Variants in ANKHD1 observed in about 807,000 individuals in gnomAD.
ANKHD1 encodes ankyrin repeat and KH domain-containing protein 1.
A neutral mutation model predicts 230.5 loss-of-function variants in ANKHD1; 31 were observed. The observed-to-expected ratio is 0.13, with a 90% CI of 0.10 to 0.18. The LOEUF is 0.18. Ranked by LOEUF, ANKHD1 falls within the 10% of genes least tolerant of loss-of-function variation. The probability of loss-of-function intolerance (pLI) is 1.00; values close to 1 mark genes in which losing one functional copy is unlikely to be tolerated. For synonymous variants in ANKHD1, 1,074 were observed against 1,117.6 expected, an observed-to-expected ratio of 0.96 and a Z score of 0.78; for missense variants, 2,256 against 3,071.3, an observed-to-expected ratio of 0.73 and a Z score of 6.27.
At chr5:140,472,036 G>A (rs191025423) in intron 10 of ANKHD1, among the ~76,000 whole-genome samples, 72 of 151,884 alleles carry the variant, frequency 4.7e-4, no homozygotes, top group African/African-American at 1.6e-3. Context: ...AGTTTTATTG[G>A]TAAAAAACCA....
intron 7 of ANKHD1, among the ~76,000 whole-genome samples, chr5:140,454,844 G>T (rs1775037855): frequency 6.6e-6 from 1 of 151,944 alleles, no homozygotes; most frequent in Non-Finnish European, 1.5e-5. Flanking sequence ...CTAGCAGAAG[G>T]CAAGAAATAA....
At chr5:140,419,821 T>A (rs1771771973) in intron 1 of ANKHD1, among the ~76,000 whole-genome samples, 1 of 123,974 alleles carries the variant, frequency 8.1e-6, no homozygotes, top group Admixed American at 8.3e-5. Context: ...TTTCTTTCTT[T>A]CTTTCTTTCT....
chr5:140,471,817 G>T (rs1057491345), intron 10 of ANKHD1, among the ~76,000 whole-genome samples: 2 of 152,118 alleles, frequency 1.3e-5, no homozygotes, highest in African/African-American at 4.8e-5. Context: ...CATTTATAAT[G>T]AGGGGAAAAG....
chr5:140,441,737 A>AT, intron 5 of ANKHD1, among the ~76,000 whole-genome samples: 1 of 152,208 alleles, frequency 6.6e-6, no homozygotes, highest in African/African-American at 2.4e-5. Context: ...TATATTCAGG[A>AT]TTTTTTGCTA....
chr5:140,491,049 T>C (rs1163525320), intron 14 of ANKHD1, among the ~76,000 whole-genome samples: 2 of 145,760 alleles, frequency 1.4e-5, no homozygotes, highest in African/African-American at 5.0e-5. Context: ...TAAATTCTTA[T>C]AAAATATTTA....
At chr5:140,426,279 C>T (rs1035946769) in intron 1 of ANKHD1, among the ~76,000 whole-genome samples, 44 of 152,238 alleles carry the variant, frequency 2.9e-4, no homozygotes, top group African/African-American at 9.9e-4. Context: ...CAGGCACACA[C>T]CATCACGCCT....
chr5:140,402,221 G>A lies in ANKHD1; in HGVS notation c.254G>A (p.Arg85Lys). 4.6e-6 allele frequency: 7 copies of A among 1,522,494 alleles called. No individual in the cohort carries two copies. Among genetic ancestry groups the A allele is most frequent in the Non-Finnish European group, 5.3e-6 (6 of 1,139,690 alleles). 94.3% of individuals were successfully genotyped at this position (1,522,494 alleles called of 1,614,324 possible). The part of the protein sequence containing the change: ...LDFKLAAAVL[R>K]TGGGGGASGS... ...TTCAAGTTGGCGGCTGCCGTGCTGA[G>A]GACCGGGGGTGGAGGTGGTGCCTCT... is the stretch of plus-strand genomic sequence containing the variant. The change falls in exon 1 of 34, where the codon AGG becomes AAG. Residue 85 changes from arginine to lysine, a missense_variant. Coordinates refer to ENST00000360839, the MANE Select transcript of ANKHD1 (RefSeq NM_017747.3).
At chr5:140,433,061 C>CT (rs1473249226) in intron 1 of ANKHD1, among the ~76,000 whole-genome samples, 1,907 of 151,188 alleles carry the variant, frequency 0.013, 48 homozygotes, top group African/African-American at 0.045. Flanking sequence ...CCTTCCCCCC[C>CT]CCAAAAAAAA....
Position 140,402,238 on chromosome 5 carries a change from G to A in ANKHD1, c.271G>A (p.Gly91Ser). The A allele has an allele frequency of 6.6e-7, 1 of 1,512,906 alleles. No homozygotes were observed. The highest frequency in any genetic ancestry group is 8.8e-7 in the Non-Finnish European group (1 of 1,136,028). The allele number at this position is 1,512,906 out of a possible 1,614,324, so 93.7% of individuals were successfully genotyped here. A position where few individuals can be genotyped will look rare whatever the true frequency, so the allele number is the denominator to read the frequency against. ...AAVLRTGGGG[G>S]ASGSDEDEVS... ...CGTGCTGAGGACCGGGGGTGGAGGT[G>A]GTGCCTCTGGCAGTGACGAGGACGA... is the stretch of plus-strand genomic sequence containing the variant. Residue 91 changes from glycine (G) to serine (S), a missense_variant, in exon 1 of 34, where the codon GGT becomes AGT. By Grantham distance (56) the Gly-to-Ser change is moderately conservative. Coordinates refer to ENST00000360839, the MANE Select transcript of ANKHD1 (RefSeq NM_017747.3).
intron 24 of ANKHD1, among the ~76,000 whole-genome samples, chr5:140,517,778 C>G (rs1753103668): frequency 6.7e-6 from 1 of 148,244 alleles, no homozygotes; most frequent in Non-Finnish European, 1.5e-5. Flanking sequence ...ATCTCTGGGA[C>G]ACATTCAAAG....
At chr5:140,517,378 C>A (rs1444261492) in intron 24 of ANKHD1, among the ~76,000 whole-genome samples, 2 of 150,142 alleles carry the variant, frequency 1.3e-5, no homozygotes, top group Non-Finnish European at 3.0e-5. Flanking sequence ...TTAGACAGAT[C>A]AACGAGACAG....
intron 9 of ANKHD1, among the ~76,000 whole-genome samples, chr5:140,463,666 T>G (rs974118013): frequency 6.6e-6 from 1 of 152,086 alleles, no homozygotes; most frequent in Non-Finnish European, 1.5e-5. Context: ...TGGTTTTGTT[T>G]TGTTTTTGAG....
At chr5:140,511,612 G>A (rs142964813) in intron 22 of ANKHD1, among the ~76,000 whole-genome samples, 49 of 152,228 alleles carry the variant, frequency 3.2e-4, no homozygotes, top group Non-Finnish European at 6.0e-4. Flanking sequence ...AACTAGACTG[G>A]TAGGTCCATG....
intron 24 of ANKHD1, among the ~76,000 whole-genome samples, chr5:140,523,388 G>GT (rs1285889126): frequency 6.6e-6 from 1 of 151,728 alleles, no homozygotes; most frequent in Non-Finnish European, 1.5e-5. Context: ...TATTACAGGC[G>GT]TGAGCCACCA....
At chr5:140,457,931 A>T (rs1775340980) in intron 7 of ANKHD1, among the ~76,000 whole-genome samples, 1 of 152,178 alleles carries the variant, frequency 6.6e-6, no homozygotes, top group Admixed American at 6.5e-5. Flanking sequence ...GGTAGAATTG[A>T]TACCCACCAT....
intron 24 of ANKHD1, among the ~76,000 whole-genome samples, chr5:140,521,623 G>C (rs1581370236): frequency 6.6e-6 from 1 of 152,014 alleles, no homozygotes; most frequent in South Asian, 2.1e-4. Context: ...CCACATAAAT[G>C]TTTTTTTAAA....
At chr5:140,443,658 C>T (rs894792581) in intron 5 of ANKHD1, among the ~76,000 whole-genome samples, 30 of 147,362 alleles carry the variant, frequency 2.0e-4, no homozygotes, top group Non-Finnish European at 3.9e-4. Context: ...GTCGCCTGGG[C>T]GACAGAGCGA....
At chr5:140,458,213 G>C (rs932070923) in intron 7 of ANKHD1, among the ~76,000 whole-genome samples, 3 of 152,090 alleles carry the variant, frequency 2.0e-5, no homozygotes, top group African/African-American at 7.2e-5. Flanking sequence ...TTCTACATTT[G>C]AATATGACTC....
chr5:140,531,886 T>C (rs902061705), intron 29 of ANKHD1, among the ~76,000 whole-genome samples: 1 of 152,128 alleles, frequency 6.6e-6, no homozygotes, highest in Non-Finnish European at 1.5e-5. Flanking sequence ...GGTATATCTA[T>C]AGAATGTAAT....
Sources: allele counts gnomAD v4.1 joint callset (sites outside exome capture counted in the v4.1 genomes callset), GRCh38; gene constraint gnomAD v4.1.1; transcripts MANE v1.5; gene names NCBI Gene and HGNC (gene_info 2026-07-23, HGNC 2026-07-21).